The following OTUD4 variants were observed in gnomAD, a reference collection of about 807,000 sequenced individuals.
The protein encoded by OTUD4 is OTU domain-containing protein 4.
OTUD4 carries 24 observed loss-of-function variants against 130.4 expected under a neutral mutation model. The ratio of observed to expected loss-of-function variants is 0.18; its 90% CI spans 0.13 to 0.26. The LOEUF is 0.26. Among genes scored for constraint, OTUD4 ranks in the 10% least tolerant of loss-of-function variants. The pLI is 1.00. For synonymous variants in OTUD4, 420 were observed against 472.5 expected (o/e 0.89, Z 1.44); for missense variants, 1,031 against 1,329.4 (o/e 0.78, Z 3.49).
chr4:145,157,609 G>A (rs547177391), intron 7 of OTUD4, among the ~76,000 whole-genome samples: 3 of 150,146 alleles, frequency 2.0e-5, no homozygotes, highest in Non-Finnish European at 4.4e-5. Context: ...GCTTGAACCC[G>A]CGAGGCGGAG....
chr4:145,139,563 C>G (rs1398759018), intron 20 of OTUD4, among the ~76,000 whole-genome samples: 1 of 152,194 alleles, frequency 6.6e-6, no homozygotes, highest in Non-Finnish European at 1.5e-5. Context: ...TACCCCCATT[C>G]TATAAATGAA....
chr4:145,141,142 C>T (rs1750542904), intron 19 of OTUD4, among the ~76,000 whole-genome samples: 1 of 149,226 alleles, frequency 6.7e-6, no homozygotes, highest in African/African-American at 2.5e-5. Context: ...GCACTCCAGC[C>T]CGGGTGACAG....
At chr4:145,147,748 A>T (rs1294007909) in intron 13 of OTUD4, among the ~76,000 whole-genome samples, 3 of 152,214 alleles carry the variant, frequency 2.0e-5, no homozygotes, top group Non-Finnish European at 4.4e-5. Flanking sequence ...TGAGAGGCCA[A>T]GAAGGTCTCA....
In OTUD4 at chr4:145,134,853, T is replaced by A. The variant is rs1012813865; in HGVS notation, c.*2577A>T. On this transcript the variant is annotated 3_prime_UTR_variant, in exon 21 of 21. Transcript: ENST00000447906. ...CAAAAAACAGGTGAGCTTTGGTCAG[T>A]CTGTTCTTCAAAATATGTATGATCA... The A allele has an allele frequency of 2.5e-5, 10 of 398,902 alleles. No homozygotes were observed. The highest frequency in any genetic ancestry group is 1.8e-4 in the Admixed American group (4 of 22,724). 24.7% of individuals were successfully genotyped at this position (398,902 alleles called of 1,614,324 possible). A position where few individuals can be genotyped will look rare whatever the true frequency, so the allele number is the denominator to read the frequency against.
intron 7 of OTUD4, among the ~76,000 whole-genome samples, chr4:145,158,599 T>C (rs573246521): frequency 2.0e-5 from 3 of 152,194 alleles, no homozygotes; most frequent in African/African-American, 4.8e-5. Flanking sequence ...TTAAGTTCCA[T>C]TTCTATCTCT....
chr4:145,143,478 T>C (rs768408682), intron 16 of OTUD4, 33 bp from the exon 17 acceptor site: 8 of 1,296,838 alleles, frequency 6.2e-6, no homozygotes, highest in Middle Eastern at 1.9e-4. Context: ...AAGTTTTGTA[T>C]TTCAGAGACC....
chr4:145,150,873 G>A lies in OTUD4; in HGVS notation c.1001C>T (p.Pro334Leu), dbSNP rs748238610. Reference sequence around the variant, plus strand: ...CCCTGACACTGTGTTCCAGCTTTCTGGGGGAGGTGCCTTGAGGTTCTTTGA... The same window carrying A: ...CCCTGACACTGTGTTCCAGCTTTCTAGGGGAGGTGCCTTGAGGTTCTTTGA... The part of the protein sequence containing the change: ...HTSKNLKAPP[P>L]ESWNTVSGKK... Residue 334 changes from proline to leucine, a missense_variant, in exon 12 of 21, where the codon CCA becomes CTA. Physicochemically the swap from Pro to Leu is moderately conservative, Grantham distance 98. Around this residue, in one of 3 missense-constraint regions of OTUD4, gnomAD observed 900 missense variants for 1,095.9 expected, o/e 0.82. Coordinates refer to ENST00000447906, the MANE Select transcript of OTUD4 (RefSeq NM_001366057.1). 3 of 1,613,498 alleles carry A rather than the reference G, an allele frequency of 1.9e-6. No homozygotes were observed. Among genetic ancestry groups the A allele is most frequent in the African/African-American group, 1.3e-5 (1 of 74,882 alleles).
In OTUD4 at chr4:145,144,334, T is replaced by C. The variant is rs754323966; in HGVS notation, c.1523A>G (p.Asp508Gly). 1.2e-6 allele frequency: 2 copies of C among 1,612,558 alleles called. No homozygotes were observed. The highest frequency in any genetic ancestry group is 2.2e-5 in the South Asian group (2 of 90,784). ...GDRKGSRRRMDTEERKDKDSI... is the reference protein window; with the variant it reads ...GDRKGSRRRMGTEERKDKDSI... Reference sequence around the variant, plus strand: ...ACCTTTGTCTTTTCGTTCTTCTGTATCCATTCTCCGCCTGCTTCCTTTTCT... The same window carrying C: ...ACCTTTGTCTTTTCGTTCTTCTGTACCCATTCTCCGCCTGCTTCCTTTTCT... The change falls in exon 15 of 21, where the codon GAT becomes GGT. Residue 508 changes from aspartate (D) to glycine (G), a missense_variant. Coordinates refer to ENST00000447906, the MANE Select transcript of OTUD4 (RefSeq NM_001366057.1).
intron 4 of OTUD4, among the ~76,000 whole-genome samples, chr4:145,164,904 T>G (rs1751772940): frequency 6.6e-6 from 1 of 152,174 alleles, no homozygotes. Context: ...AGTTGATAAG[T>G]GATATCTTAC....
At position 145,152,536 on chromosome 4, in the gene OTUD4, C is replaced by T; in HGVS notation, c.968+5G>A. 1 of 1,513,120 alleles carries T rather than the reference C, an allele frequency of 6.6e-7. No individual in the cohort carries two copies. The highest frequency in any genetic ancestry group is 9.2e-7 in the Non-Finnish European group (1 of 1,090,414). The allele number at this position is 1,513,120 out of a possible 1,614,324, so 93.7% of individuals were successfully genotyped here. On this transcript the variant is annotated splice_donor_5th_base_variant and intron_variant, in intron 11 of 20. Coordinates refer to ENST00000447906, the MANE Select transcript of OTUD4 (RefSeq NM_001366057.1). ...TAAATGCCTTAGCTGAAGAGTAGTACATACTTCTTTCCCAGTTCTTCAACC... is the reference window on the plus strand; with the variant it reads ...TAAATGCCTTAGCTGAAGAGTAGTATATACTTCTTTCCCAGTTCTTCAACC...
Position 145,141,432 on chromosome 4 carries a change from C to G in OTUD4, c.2030G>C (p.Arg677Pro). The change falls in exon 19 of 21, where the codon CGA becomes CCA. Residue 677 changes from arginine (R) to proline (P), a missense_variant. Around this residue, in one of 3 missense-constraint regions of OTUD4, gnomAD observed 900 missense variants for 1,095.9 expected, o/e 0.82. Coordinates refer to ENST00000447906, the MANE Select transcript of OTUD4 (RefSeq NM_001366057.1). The part of the protein sequence containing the change: ...PGFPCNEKGD[R>P]AIVPPYSLCQ... The stretch of plus-strand genomic sequence containing the variant: ...CAGTGAATAAGGTGGTACAATGGCT[C>G]GATCTCCCTTTTCATTACAAGGAAA... 4.3e-6 allele frequency: 7 copies of G among 1,613,562 alleles called. No homozygotes were observed. Among genetic ancestry groups the G allele is most frequent in the Non-Finnish European group, 5.9e-6 (7 of 1,179,698 alleles).
chr4:145,179,526 A>G (rs1752586379), intron 1 of OTUD4: 2 of 965,916 alleles, frequency 2.1e-6, no homozygotes, highest in African/African-American at 3.5e-5. Flanking sequence ...CCCAGCAATA[A>G]ATCAACTGTA....
At chr4:145,139,873 G>C in intron 20 of OTUD4, 78 bp downstream of exon 20, 1 of 495,368 alleles carries the variant, frequency 2.0e-6, no homozygotes, top group Non-Finnish European at 3.6e-6. Flanking sequence ...TGACTGACAG[G>C]GTAAGAGTTA....
At chr4:145,173,606 T>C (rs887412953) in intron 2 of OTUD4, among the ~76,000 whole-genome samples, 5 of 152,164 alleles carry the variant, frequency 3.3e-5, no homozygotes, top group African/African-American at 1.2e-4. Context: ...ATCTAGCCTC[T>C]GCGTTACCAG....
Position 145,137,893 on chromosome 4 carries a change from G to A in OTUD4, c.2882C>T (p.Ala961Val). 2 of 1,614,096 alleles carry A rather than the reference G, an allele frequency of 1.2e-6. No homozygotes were observed. Among genetic ancestry groups the A allele is most frequent in the Non-Finnish European group, 1.7e-6 (2 of 1,179,984 alleles). ...ASIPPVAEGK[A>V]HPPTQILNRE... is the part of the protein sequence containing the mutation. ...GTTTAGAATCTGAGTGGGAGGATGA[G>A]CCTTTCCCTCTGCTACAGGAGGGAT... The change falls in exon 21 of 21, where the codon GCT (alanine) becomes GTT (valine). Residue 961 changes from alanine to valine, a missense_variant. Around this residue, in one of 3 missense-constraint regions of OTUD4, gnomAD observed 900 missense variants for 1,095.9 expected, o/e 0.82. Transcript: ENST00000447906.
At chr4:145,154,349 T>C (rs954973966) in intron 10 of OTUD4, among the ~76,000 whole-genome samples, 4 of 152,204 alleles carry the variant, frequency 2.6e-5, no homozygotes, top group East Asian at 1.9e-4. Flanking sequence ...ACCAGAACTA[T>C]TGAAGGTTCT....
At chr4:145,144,905 A>G (rs984675342) in intron 14 of OTUD4, among the ~76,000 whole-genome samples, 2 of 152,120 alleles carry the variant, frequency 1.3e-5, no homozygotes, top group Admixed American at 6.6e-5. Context: ...TAAACTCTGC[A>G]TGAGATAAGG....
intron 3 of OTUD4, among the ~76,000 whole-genome samples, chr4:145,168,780 A>G (rs1359330310): frequency 1.3e-5 from 2 of 152,248 alleles, no homozygotes; most frequent in African/African-American, 4.8e-5. Context: ...CAGATGACCA[A>G]GCAATTTTGC....
intron 1 of OTUD4, among the ~76,000 whole-genome samples, chr4:145,179,171 C>CT (rs1752570819): frequency 6.6e-6 from 1 of 152,146 alleles, no homozygotes; most frequent in African/African-American, 2.4e-5. Flanking sequence ...TCAAAACAGG[C>CT]TTTTTTAAAA....
Sources: allele counts gnomAD v4.1 joint callset (sites outside exome capture counted in the v4.1 genomes callset), GRCh38; gene constraint gnomAD v4.1.1; regional missense constraint gnomAD v4.1.1; transcripts MANE v1.5; gene names NCBI Gene and HGNC (gene_info 2026-07-23, HGNC 2026-07-21).